Variants in ZNF618 observed in about 807,000 individuals in gnomAD.
The protein encoded by ZNF618 is zinc finger protein 618.
A neutral mutation model predicts 103.0 loss-of-function variants in ZNF618; 34 were observed. That is an observed-to-expected ratio of 0.33 (90% CI 0.25 to 0.44). ZNF618 has a LOEUF of 0.44. Among genes scored for constraint, ZNF618 ranks in the 20% least tolerant of loss-of-function variants. The pLI is 1.00. For synonymous variants in ZNF618, 551 were observed against 542.2 expected (o/e 1.02, Z -0.23); for missense variants, 1,059 against 1,295.4 (o/e 0.82, Z 2.80).
In ZNF618 at chr9:113,988,525, C is replaced by T. The variant is rs539214214; in HGVS notation, c.282C>T (p.Asp94=). Residue 94 remains aspartate, a synonymous_variant, in exon 3 of 15, where the codon GAC becomes GAT. Transcript: ENST00000374126. ...CGGTCAGCAAGGATGGGACCAGCGA[C>T]GTGCCTGCCGAGATCTGCGTGGTGA... ...KKAVSKDGTS[D]VPAEICVVIG... The T allele has an allele frequency of 4.2e-5, 68 of 1,612,450 alleles. No homozygotes were observed. Among genetic ancestry groups the T allele is most frequent in the South Asian group, 3.6e-4 (33 of 90,928 alleles).
chr9:113,945,367 G>T (rs1588115195), intron 1 of ZNF618, among the ~76,000 whole-genome samples: 1 of 152,202 alleles, frequency 6.6e-6, no homozygotes, highest in Non-Finnish European at 1.5e-5. Flanking sequence ...AGAGGAGTGT[G>T]TTCCTTCTCC....
intron 2 of ZNF618, among the ~76,000 whole-genome samples, chr9:113,975,242 A>G (rs933976273): frequency 2.0e-5 from 3 of 152,134 alleles, no homozygotes; most frequent in Admixed American, 6.5e-5. Flanking sequence ...GCCCTTTCAG[A>G]TAGTGATTGG....
At chr9:113,972,927 G>A (rs888336273) in intron 2 of ZNF618, among the ~76,000 whole-genome samples, 1 of 152,102 alleles carries the variant, frequency 6.6e-6, no homozygotes, top group African/African-American at 2.4e-5. Context: ...AAATTAGCCA[G>A]GTATGGTGGC....
chr9:113,996,633 G>A (rs1417653828), intron 3 of ZNF618, among the ~76,000 whole-genome samples: 1 of 152,164 alleles, frequency 6.6e-6, no homozygotes, highest in Admixed American at 6.5e-5. Context: ...GATTAGTTGG[G>A]ATGGCGACTG....
At chr9:113,975,956 T>C (rs1838426677) in intron 2 of ZNF618, among the ~76,000 whole-genome samples, 1 of 152,166 alleles carries the variant, frequency 6.6e-6, no homozygotes, top group African/African-American at 2.4e-5. Flanking sequence ...AATCCTAAAT[T>C]GCAGGTTGAA....
Position 113,988,585 on chromosome 9 carries a change from G to A in ZNF618, c.337+5G>A. On this transcript the variant is annotated splice_donor_5th_base_variant and intron_variant, in intron 3 of 14. Transcript: ENST00000374126. ...TCCGCAACCAGCAGACCCTTGGTGA[G>A]TGCCCAGCGTCTGTGGTCAGGGTGG... 1 of 1,601,468 alleles carries A rather than the reference G, an allele frequency of 6.2e-7. No homozygotes were observed. Among genetic ancestry groups the A allele is most frequent in the Non-Finnish European group, 8.5e-7 (1 of 1,176,210 alleles).
intron 1 of ZNF618, among the ~76,000 whole-genome samples, chr9:113,906,196 T>C (rs1587999041): frequency 6.6e-6 from 1 of 152,126 alleles, no homozygotes; most frequent in African/African-American, 2.4e-5. Flanking sequence ...TTCAAAGATA[T>C]TACCAAATTG....
At chr9:113,940,097 A>T (rs781351811) in intron 1 of ZNF618, among the ~76,000 whole-genome samples, 6 of 148,636 alleles carry the variant, frequency 4.0e-5, no homozygotes, top group African/African-American at 7.4e-5. Flanking sequence ...GTTCATTTTT[A>T]AATAGTCTGC....
intron 1 of ZNF618, among the ~76,000 whole-genome samples, chr9:113,934,221 G>T (rs1833848980): frequency 6.6e-6 from 1 of 152,144 alleles, no homozygotes; most frequent in African/African-American, 2.4e-5. Flanking sequence ...GGGGTTGTCT[G>T]GTGGAGGGTG....
chr9:114,047,302 G>A (rs535650425), intron 13 of ZNF618, among the ~76,000 whole-genome samples: 1 of 152,304 alleles, frequency 6.6e-6, no homozygotes. Flanking sequence ...GTGATCTTGG[G>A]CAAATCTTTT....
Position 114,049,400 on chromosome 9 carries a change from T to G in ZNF618, c.2098T>G (p.Ser700Ala). The change falls in exon 15 of 15, where the codon TCA becomes GCA. Residue 700 changes from serine to alanine, a missense_variant. Around this residue, in one of 6 missense-constraint regions of ZNF618, gnomAD observed 272 missense variants for 380.1 expected, o/e 0.72. Transcript: ENST00000374126. ...PPPCWNSVTD[S>A]LLLVHERYEQ... ...ACCCTGCTGGAACTCGGTGACGGACTCACTGTTGCTGGTGCATGAGCGCTA... is the reference window on the plus strand; with the variant it reads ...ACCCTGCTGGAACTCGGTGACGGACGCACTGTTGCTGGTGCATGAGCGCTA... 1 of 1,603,872 alleles carries G rather than the reference T, an allele frequency of 6.2e-7. No individual in the cohort carries two copies. Among genetic ancestry groups the G allele is most frequent in the African/African-American group, 1.3e-5 (1 of 74,830 alleles).
chr9:113,988,835 G>T (rs1185596273), intron 3 of ZNF618, among the ~76,000 whole-genome samples: 2 of 152,186 alleles, frequency 1.3e-5, no homozygotes, highest in East Asian at 1.9e-4. Context: ...TAAGTCAAAT[G>T]CCTGGAACCT....
chr9:113,905,045 T>C (rs960122875), intron 1 of ZNF618, among the ~76,000 whole-genome samples: 4 of 151,976 alleles, frequency 2.6e-5, no homozygotes, highest in African/African-American at 9.7e-5. Flanking sequence ...ATTCTGCCTA[T>C]CACAGTCATT....
chr9:113,881,733 G>C (rs1587914650), intron 1 of ZNF618, among the ~76,000 whole-genome samples: 2 of 152,168 alleles, frequency 1.3e-5, no homozygotes, highest in African/African-American at 4.8e-5. Context: ...GGTTTTGTTG[G>C]TGAGACTTCC....
intron 1 of ZNF618, among the ~76,000 whole-genome samples, chr9:113,876,768 C>G (rs1203809478): frequency 1.3e-5 from 2 of 150,714 alleles, no homozygotes; most frequent in South Asian, 2.1e-4. Context: ...GCTCTGCCCC[C>G]TCCCCCCCAA....
chr9:114,036,592 G>A (rs1310938589), intron 13 of ZNF618, among the ~76,000 whole-genome samples: 2 of 152,256 alleles, frequency 1.3e-5, no homozygotes, highest in African/African-American at 4.8e-5. Context: ...AGGCAGCACA[G>A]GCTCTGTGGG....
At chr9:114,019,769 G>A (rs913291951) in intron 10 of ZNF618, among the ~76,000 whole-genome samples, 1 of 152,134 alleles carries the variant, frequency 6.6e-6, no homozygotes, top group Non-Finnish European at 1.5e-5. Flanking sequence ...TACATGTACT[G>A]TGGATTTTTC....
chr9:113,966,392 C>T (rs919835668), intron 1 of ZNF618, among the ~76,000 whole-genome samples: 2 of 152,192 alleles, frequency 1.3e-5, no homozygotes, highest in African/African-American at 4.8e-5. Flanking sequence ...AATTGAGACT[C>T]AGGTCAGTTT....
chr9:113,994,717 A>T (rs73658311), intron 3 of ZNF618, among the ~76,000 whole-genome samples: 2 of 152,256 alleles, frequency 1.3e-5, no homozygotes, highest in Admixed American at 6.5e-5. Context: ...CACTGCTATT[A>T]GCTGGAACCT....
Sources: gnomAD v4.1 joint callset for allele counts (sites outside exome capture counted in the v4.1 genomes callset) on GRCh38, gnomAD v4.1.1 for gene constraint, gnomAD v4.1.1 regional missense constraint, MANE v1.5 for transcripts, NCBI Gene and HGNC (gene_info 2026-07-23, HGNC 2026-07-21) for gene names.